DNAH9: variants seen among roughly 807,000 people sequenced by gnomAD.
The protein encoded by DNAH9 is DNAH9 variant protein.
A neutral mutation model predicts 471.6 loss-of-function variants in DNAH9; 345 were observed. The observed-to-expected ratio is 0.73, with a 90% CI of 0.67 to 0.80. The LOEUF (loss-of-function observed/expected upper bound fraction) is 0.80, where lower values mean the gene tolerates loss of function less well. Among genes scored for constraint, DNAH9 ranks in the 30% least tolerant of loss-of-function variants. The probability of loss-of-function intolerance (pLI) is 0.00; values close to 1 mark genes in which losing one functional copy is unlikely to be tolerated. For synonymous variants in DNAH9, 2,093 were observed against 2,123.6 expected (o/e 0.99, Z 0.40); for missense variants, 5,407 against 5,609.2 (o/e 0.96, Z 1.15).
Position 11,644,665 on chromosome 17 carries a change from C to A in DNAH9, c.1936C>A (p.Gln646Lys). ...ATCTGCAGAAGGAAAGCGAATGCAA[C>A]AAAAATATGAAGATATGCTGTCATT... is the stretch of plus-strand genomic sequence containing the variant. ...MESAEGKRMQ[Q>K]KYEDMLSLLE... is the part of the protein sequence containing the mutation. The change falls in exon 11 of 69, where the codon CAA becomes AAA. Residue 646 changes from glutamine to lysine, a missense_variant. Coordinates refer to ENST00000262442, the MANE Select transcript of DNAH9 (RefSeq NM_001372.4). The A allele has an allele frequency of 6.2e-7, 1 of 1,612,922 alleles. No homozygotes were observed. Among genetic ancestry groups the A allele is most frequent in the South Asian group, 1.1e-5 (1 of 90,930 alleles).
At position 11,629,508 on chromosome 17, in the gene DNAH9, A is replaced by G. The variant is rs142794912; in HGVS notation, c.1442A>G (p.Gln481Arg). ...AATGCTCTGAGTCAGCAGGTCCAGC[A>G]AATGCATGAAGAATTTCAAGAGATG... ...RGNALSQQVQ[Q>R]MHEEFQEMYR... Residue 481 changes from glutamine (Q) to arginine (R), a missense_variant, in exon 7 of 69, where the codon CAA becomes CGA. This residue lies in a region of DNAH9 where 767 missense variants were observed against 692.5 expected (regional missense o/e 1.11). Transcript: ENST00000262442. The G allele has an allele frequency of 1.6e-4, 262 of 1,614,044 alleles. No individual in the cohort carries two copies. Among genetic ancestry groups the G allele is most frequent in the Non-Finnish European group, 2.1e-4 (244 of 1,180,026 alleles).
At chr17:11,943,311 G>T (rs117300392) in intron 67 of DNAH9, among the ~76,000 whole-genome samples, 3,020 of 152,190 alleles carry the variant, frequency 0.02, 62 homozygotes, top group East Asian at 0.079. Context: ...AAACACCTAG[G>T]GTCACACGTG....
At position 11,715,984 on chromosome 17, in the gene DNAH9, G is replaced by A. The variant is rs573927527; in HGVS notation, c.5553-3350G>A. ...ACCTCAGAGAGAATCCTAGAGCAGG[G>A]ATATGTCCCAAAGGACTTGCTGCTG... On this transcript the variant is annotated intron_variant, in intron 26 of 68. Transcript: ENST00000262442. Among the ~76,000 whole-genome samples the A allele has an allele frequency of 3.3e-5, 5 of 152,202 alleles. No individual in the cohort carries two copies. The East Asian group carries it at 9.7e-4, about 29-fold the overall frequency.
chr17:11,730,970 T>C (rs1567756305), intron 28 of DNAH9, among the ~76,000 whole-genome samples: 2 of 123,896 alleles, frequency 1.6e-5, no homozygotes, highest in Non-Finnish European at 1.7e-5. Context: ...GTGGTGATGA[T>C]GGTGATGATG....
chr17:11,627,037 A>C (rs1241162694), intron 6 of DNAH9, among the ~76,000 whole-genome samples: 1 of 152,098 alleles, frequency 6.6e-6, no homozygotes, highest in African/African-American at 2.4e-5. Context: ...AGAGTGTGAT[A>C]AGCGCTCTGA....
intron 17 of DNAH9, among the ~76,000 whole-genome samples, chr17:11,676,558 C>T (rs561770697): frequency 6.6e-6 from 1 of 152,258 alleles, no homozygotes; most frequent in Non-Finnish European, 1.5e-5. Context: ...GCTGGGATTA[C>T]AGGCATGAGC....
intron 57 of DNAH9, among the ~76,000 whole-genome samples, chr17:11,890,227 C>T (rs1973006107): frequency 6.6e-6 from 1 of 152,070 alleles, no homozygotes; most frequent in South Asian, 2.1e-4. Flanking sequence ...TGAAACTGTT[C>T]TGGAATCTTC....
intron 50 of DNAH9, among the ~76,000 whole-genome samples, chr17:11,863,259 T>C (rs1971924240): frequency 6.6e-6 from 1 of 152,228 alleles, no homozygotes; most frequent in Non-Finnish European, 1.5e-5. Flanking sequence ...AAAGGCCTTT[T>C]CTGCATCTAT....
In DNAH9 at chr17:11,679,774, C is replaced by T. The variant is rs748910163; in HGVS notation, c.3371C>T (p.Ala1124Val). ...HVTHSLANLD[A>V]FIKKSESGLL... ...TTGATTAGCTTGGCCAACCTGGATG[C>T]GTTTATAAAGAAGAGTGAGAGCGGC... is the stretch of plus-strand genomic sequence containing the variant. The change falls in exon 18 of 69, where the codon GCG becomes GTG. Residue 1124 changes from alanine to valine, a missense_variant. Physicochemically the swap from Ala to Val is moderately conservative, Grantham distance 64 (BLOSUM62 0). Around this residue, in one of 3 missense-constraint regions of DNAH9, gnomAD observed 4,636 missense variants for 4,900.3 expected, o/e 0.95. Coordinates refer to ENST00000262442, the MANE Select transcript of DNAH9 (RefSeq NM_001372.4). 8.7e-6 allele frequency: 14 copies of T among 1,613,672 alleles called. No individual in the cohort carries two copies. The highest frequency in any genetic ancestry group is 1.7e-5 in the Admixed American group (1 of 59,996).
intron 59 of DNAH9, among the ~76,000 whole-genome samples, chr17:11,899,026 A>G (rs1416733479): frequency 6.6e-6 from 1 of 152,236 alleles, no homozygotes; most frequent in African/African-American, 2.4e-5. Context: ...GTCCAGAACC[A>G]TCAAACTCAA....
At chr17:11,894,288 A>G in intron 58 of DNAH9, 86 bp from the exon 59 acceptor site, 1 of 1,544,468 alleles carries the variant, frequency 6.5e-7, no homozygotes, top group Non-Finnish European at 8.8e-7. Context: ...AGAGGCAGTA[A>G]TAATTATACT....
intron 50 of DNAH9, 113 bp downstream of exon 50, chr17:11,854,541 A>C: frequency 7.7e-7 from 1 of 1,291,506 alleles, no homozygotes; most frequent in South Asian, 1.6e-5. Context: ...CAGGAAAACC[A>C]CATTTTCATG....
At position 11,756,577 on chromosome 17, in the gene DNAH9, T is replaced by G. The variant is rs1967397070; in HGVS notation, c.6748T>G (p.Leu2250Val). 1 of 1,609,110 alleles carries G rather than the reference T, an allele frequency of 6.2e-7. No individual in the cohort carries two copies. The highest frequency in any genetic ancestry group is 8.5e-7 in the Non-Finnish European group (1 of 1,175,390). Residue 2250 changes from leucine to valine, a missense_variant, in exon 34 of 69, where the codon TTG (leucine) becomes GTG (valine). Physicochemically the swap from Leu to Val is conservative, Grantham distance 32 (BLOSUM62 1). Coordinates refer to ENST00000262442, the MANE Select transcript of DNAH9 (RefSeq NM_001372.4). The part of the protein sequence containing the change: ...TVMDDNKVLT[L>V]ASNERIPLNP... ...TCCCTGTTGTCTCCAGGTGCTGACA[T>G]TGGCCAGCAATGAGAGGATTCCTCT...
At chr17:11,748,878 G>A (rs756357493) in intron 32 of DNAH9, among the ~76,000 whole-genome samples, 70 of 152,182 alleles carry the variant, frequency 4.6e-4, no homozygotes, top group Non-Finnish European at 9.0e-4. Context: ...CCACATCCGG[G>A]TCAAACTCTC....
chr17:11,796,687 T>C (rs1295782385), intron 42 of DNAH9, among the ~76,000 whole-genome samples: 1 of 152,214 alleles, frequency 6.6e-6, no homozygotes, highest in Non-Finnish European at 1.5e-5. Context: ...TGCGGACAAC[T>C]GCTCATGCTG....
At chr17:11,768,050 C>T (rs986975755) in intron 36 of DNAH9, among the ~76,000 whole-genome samples, 2 of 152,184 alleles carry the variant, frequency 1.3e-5, no homozygotes, top group Non-Finnish European at 2.9e-5. Flanking sequence ...GTCACCATTC[C>T]ATTCCAACCT....
At chr17:11,922,500 T>C (rs1347467054) in intron 61 of DNAH9, among the ~76,000 whole-genome samples, 1 of 152,196 alleles carries the variant, frequency 6.6e-6, no homozygotes, top group African/African-American at 2.4e-5. Flanking sequence ...GGGTCATTTC[T>C]TTGTGTTGTT....
chr17:11,860,641 A>G (rs1567855346), intron 50 of DNAH9, among the ~76,000 whole-genome samples: 2 of 151,990 alleles, frequency 1.3e-5, no homozygotes, highest in Non-Finnish European at 2.9e-5. Context: ...TGCTCACTGC[A>G]ACCTCTGCCT....
intron 28 of DNAH9, among the ~76,000 whole-genome samples, chr17:11,733,589 C>T (rs1229810556): frequency 6.6e-5 from 10 of 152,160 alleles, no homozygotes; most frequent in Non-Finnish European, 1.2e-4. Flanking sequence ...CGGTGGCTCA[C>T]GCCTGTAATC....
Sources: allele counts gnomAD v4.1 joint callset (sites outside exome capture counted in the v4.1 genomes callset), GRCh38; gene constraint gnomAD v4.1.1; regional missense constraint gnomAD v4.1.1; transcripts MANE v1.5; gene names NCBI Gene and HGNC (gene_info 2026-07-23, HGNC 2026-07-21).